TEX11: variants seen among roughly 807,000 people sequenced by gnomAD.
TEX11 encodes the protein testis expressed 11, also known as testis-expressed protein 11.
Under a neutral mutation model 84.4 loss-of-function variants are expected in TEX11, and 7 were observed. That is an observed-to-expected ratio of 0.08 (90% CI 0.05 to 0.16). The LOEUF (loss-of-function observed/expected upper bound fraction) is 0.16, where lower values mean the gene tolerates loss of function less well. Ranked by LOEUF, TEX11 falls within the 10% of genes least tolerant of loss-of-function variation. The pLI is 1.00. For synonymous variants in TEX11, 264 were observed against 222.8 expected, an observed-to-expected ratio of 1.18 and a Z score of -1.64; for missense variants, 551 against 660.5, an observed-to-expected ratio of 0.83 and a Z score of 1.82.
chrX:70,869,309 GAAAAA>G (rs1218884533), intron 4 of TEX11, among the ~76,000 whole-genome samples: 1 of 103,286 alleles, frequency 9.7e-6, no homozygotes, highest in South Asian at 4.4e-4. Context: ...TCCTTACCTT[GAAAAA>G]AAAAATCAAC....
chrX:70,897,077 A>T (rs1449264900), intron 2 of TEX11, among the ~76,000 whole-genome samples: 1 of 74,374 alleles, frequency 1.3e-5, no homozygotes, highest in Non-Finnish European at 3.2e-5. Context: ...GGTTGTAGTG[A>T]GCCGAGATCA....
At chrX:70,563,743 T>A (rs1033078080) in intron 25 of TEX11, among the ~76,000 whole-genome samples, 3 of 112,773 alleles carry the variant, frequency 2.7e-5, no homozygotes, top group African/African-American at 9.7e-5. Flanking sequence ...GGGTATGGAA[T>A]TTTTTTCAAA....
chrX:70,755,971 C>T (rs894875566), intron 9 of TEX11, among the ~76,000 whole-genome samples: 5 of 112,570 alleles, frequency 4.4e-5, no homozygotes, highest in African/African-American at 1.6e-4. Context: ...GGGTCCCATG[C>T]CCAAGGAGCC....
intron 25 of TEX11, among the ~76,000 whole-genome samples, chrX:70,556,750 G>T (rs2088291838): frequency 9.0e-6 from 1 of 111,240 alleles, no homozygotes; most frequent in South Asian, 3.8e-4. Context: ...TTATGGATTT[G>T]TCTATTCCTC....
chrX:70,886,501 C>A lies in TEX11; in HGVS notation c.38-6392G>T, dbSNP rs181939261. 6.3e-3 allele frequency among the ~76,000 whole-genome samples: 698 copies of A among 111,449 alleles called. 10 individuals are homozygous for A. Among genetic ancestry groups the A allele is most frequent in the African/African-American group, 0.022 (670 of 30,733 alleles). On this transcript the variant is annotated intron_variant, in intron 2 of 29. Transcript: ENST00000374333. Reference sequence around the variant, plus strand: ...GTTTCAGTCAAGCAAGATGAATAAGCAATACAGATCTGCTATACAATACTA... The same window carrying A: ...GTTTCAGTCAAGCAAGATGAATAAGAAATACAGATCTGCTATACAATACTA...
chrX:70,846,080 A>T (rs750054015), intron 7 of TEX11: 2 of 111,473 alleles, frequency 1.8e-5, no homozygotes, highest in South Asian at 7.7e-4. Context: ...TTAAATGAAA[A>T]CCACTCAGAT....
intron 7 of TEX11, among the ~76,000 whole-genome samples, chrX:70,843,183 C>G (rs942939746): frequency 8.9e-6 from 1 of 111,750 alleles, no homozygotes; most frequent in Non-Finnish European, 1.9e-5. Context: ...CAATCCTAAG[C>G]CAGAAGAACA....
At chrX:70,752,840 C>A (rs1015063694) in intron 9 of TEX11, among the ~76,000 whole-genome samples, 8 of 110,792 alleles carry the variant, frequency 7.2e-5, no homozygotes, top group Admixed American at 4.8e-4. Context: ...TCGCAGAAGC[C>A]ACCCTTTTCC....
At chrX:70,744,589 T>C (rs1440837978) in intron 9 of TEX11, among the ~76,000 whole-genome samples, 1 of 110,236 alleles carries the variant, frequency 9.1e-6, no homozygotes, top group East Asian at 2.8e-4. Flanking sequence ...ATTAAATATA[T>C]ATAATTTACT....
At chrX:70,672,408 G>A (rs1361012704) in intron 15 of TEX11, among the ~76,000 whole-genome samples, 1 of 111,992 alleles carries the variant, frequency 8.9e-6, no homozygotes, top group Admixed American at 9.5e-5. Flanking sequence ...ATAGGGGCAA[G>A]TTTAACATTT....
chrX:70,749,818 T>G (rs1383779273), intron 9 of TEX11, among the ~76,000 whole-genome samples: 1 of 109,639 alleles, frequency 9.1e-6, no homozygotes, highest in Non-Finnish European at 1.9e-5. Flanking sequence ...GCTGGATTTG[T>G]TTTGCCAGTA....
chrX:70,671,910 T>TATATATATACAC (rs57166359), intron 15 of TEX11, among the ~76,000 whole-genome samples: 208 of 67,899 alleles, frequency 3.1e-3, no homozygotes, highest in African/African-American at 7.9e-3. Context: ...TATATATATA[T>TATATATATACAC]ACACACACAC....
chrX:70,767,777 G>T (rs747702135), intron 9 of TEX11, among the ~76,000 whole-genome samples: 1 of 111,877 alleles, frequency 8.9e-6, no homozygotes, highest in African/African-American at 3.2e-5. Flanking sequence ...TTATACAGTG[G>T]AGTCTTATTT....
In TEX11 at chrX:70,633,090, T is replaced by C. The variant is rs1307596848; in HGVS notation, c.1484-3355A>G. On this transcript the variant is annotated intron_variant, in intron 17 of 29. Transcript: ENST00000374333. ...CCCTATGAAGTCAGTATTACTCTGA[T>C]AGCAAAACCAAAAACATTACAGGAA... is the stretch of plus-strand genomic sequence containing the variant. Among the ~76,000 whole-genome samples the C allele has an allele frequency of 2.7e-5, 3 of 111,821 alleles. No homozygotes were observed. In the East Asian group the frequency reaches 8.4e-4, roughly 31 times the overall value.
intron 9 of TEX11, among the ~76,000 whole-genome samples, chrX:70,784,922 A>G (rs189019093): frequency 2.1e-4 from 24 of 112,157 alleles, no homozygotes. Flanking sequence ...TATAGATTCA[A>G]TGCCATCCCC....
chrX:70,580,960 C>T (rs764774379), intron 25 of TEX11, among the ~76,000 whole-genome samples: 36 of 11,263 alleles, frequency 3.2e-3, no homozygotes, highest in African/African-American at 8.6e-3. Context: ...TTAATATAGA[C>T]TGCTTATTGA....
At chrX:70,760,624 A>T (rs1169093132) in intron 9 of TEX11, among the ~76,000 whole-genome samples, 2 of 111,991 alleles carry the variant, frequency 1.8e-5, no homozygotes, top group Admixed American at 1.9e-4. Context: ...TGGATTAAAG[A>T]CTTAAACGTA....
At chrX:70,705,729 C>G (rs1603229011) in intron 13 of TEX11, among the ~76,000 whole-genome samples, 4 of 111,976 alleles carry the variant, frequency 3.6e-5, no homozygotes, top group African/African-American at 1.3e-4. Context: ...CACTGGCCAT[C>G]AGAGAAATAC....
At chrX:70,578,870 G>A (rs1451775085) in intron 25 of TEX11, among the ~76,000 whole-genome samples, 4 of 100,634 alleles carry the variant, frequency 4.0e-5, no homozygotes, top group Admixed American at 1.1e-4. Context: ...TCCCGGGTTC[G>A]AGCAATTCTC....
Sources: allele counts gnomAD v4.1 joint callset (sites outside exome capture counted in the v4.1 genomes callset), GRCh38; gene constraint gnomAD v4.1.1; transcripts MANE v1.5; gene names NCBI Gene and HGNC (gene_info 2026-07-23, HGNC 2026-07-21).